ADGRA3: variants seen among roughly 807,000 people sequenced by gnomAD.
The protein encoded by ADGRA3 is G-protein coupled receptor 125.
Under a neutral mutation model 119.8 loss-of-function variants are expected in ADGRA3, and 56 were observed. That is an observed-to-expected ratio of 0.47 (90% CI 0.38 to 0.58). The LOEUF is 0.58. Ranked by LOEUF, ADGRA3 falls within the 20% of genes least tolerant of loss-of-function variation. ADGRA3 has a pLI of 0.00. For missense variants in ADGRA3, 1,516 were observed against 1,649.0 expected (o/e 0.92, Z 1.40); for synonymous variants, 607 against 623.8 (o/e 0.97, Z 0.40).
chr4:22,426,677 A>G (rs1382486500), intron 10 of ADGRA3, among the ~76,000 whole-genome samples: 4 of 152,236 alleles, frequency 2.6e-5, no homozygotes, highest in African/African-American at 4.8e-5. Flanking sequence ...AATATAGGAT[A>G]CAGAATAATG....
intron 1 of ADGRA3, chr4:22,515,198 T>A (rs1719601415): frequency 5.2e-6 from 1 of 192,900 alleles, no homozygotes; most frequent in Non-Finnish European, 1.1e-5. Context: ...TGAATGAGCT[T>A]TAACTCTGTT....
intron 10 of ADGRA3, among the ~76,000 whole-genome samples, chr4:22,432,949 A>C (rs1716246757): frequency 1.3e-5 from 2 of 152,232 alleles, no homozygotes; most frequent in African/African-American, 4.8e-5. Context: ...AGCTAGGTGC[A>C]TTTTAGGATA....
At chr4:22,419,143 T>G (rs1715546893) in intron 12 of ADGRA3, among the ~76,000 whole-genome samples, 2 of 151,948 alleles carry the variant, frequency 1.3e-5, no homozygotes, top group African/African-American at 4.8e-5. Context: ...AAATAATGAC[T>G]GCCTCTTTAT....
At chr4:22,495,080 C>T (rs1718763786) in intron 1 of ADGRA3, among the ~76,000 whole-genome samples, 1 of 151,906 alleles carries the variant, frequency 6.6e-6, no homozygotes, top group Admixed American at 6.6e-5. Flanking sequence ...TGTGGTTTCT[C>T]TCTCTCTCAA....
intron 12 of ADGRA3, chr4:22,414,411 A>G (rs1367158494): frequency 8.5e-6 from 4 of 468,816 alleles, no homozygotes; most frequent in African/African-American, 4.0e-5. Flanking sequence ...CTGACTGATC[A>G]CTGAATTTTT....
At chr4:22,399,761 T>C (rs1375598876) in intron 16 of ADGRA3, among the ~76,000 whole-genome samples, 1 of 152,176 alleles carries the variant, frequency 6.6e-6, no homozygotes, top group Non-Finnish European at 1.5e-5. Flanking sequence ...GAAGACAGTC[T>C]TCTGGCTCTG....
At chr4:22,476,290 A>G (rs1358592170) in intron 1 of ADGRA3, among the ~76,000 whole-genome samples, 1 of 152,150 alleles carries the variant, frequency 6.6e-6, no homozygotes, top group Admixed American at 6.5e-5. Flanking sequence ...TATCCCAAAC[A>G]GTATCCATCC....
intron 1 of ADGRA3, among the ~76,000 whole-genome samples, chr4:22,498,743 G>A (rs1203087624): frequency 1.3e-5 from 2 of 151,818 alleles, no homozygotes; most frequent in African/African-American, 4.8e-5. Flanking sequence ...GTGAAACCCC[G>A]TCTCTACTAA....
At chr4:22,423,025 G>A (rs1389280478) in intron 11 of ADGRA3, among the ~76,000 whole-genome samples, 7 of 151,782 alleles carry the variant, frequency 4.6e-5, no homozygotes, top group Non-Finnish European at 1.0e-4. Context: ...ATGTAACCCC[G>A]TCTCTACTAA....
intron 1 of ADGRA3, chr4:22,478,111 C>T (rs539344360): frequency 4.6e-5 from 7 of 152,260 alleles, no homozygotes; most frequent in African/African-American, 1.7e-4. Flanking sequence ...GATCTATGGA[C>T]GATGCTTAGG....
Position 22,421,023 on chromosome 4 carries a change from T to G in ADGRA3, c.1672A>C (p.Thr558Pro), listed in dbSNP as rs777841628. Residue 558 changes from threonine to proline, a missense_variant, in exon 12 of 19, where the codon ACC (threonine) becomes CCC (proline). Coordinates refer to ENST00000334304, the MANE Select transcript of ADGRA3 (RefSeq NM_145290.4). The part of the protein sequence containing the change: ...KSTGFTGMTC[T>P]VFQKVAASDR... Reference sequence around the variant, plus strand: ...GAGGCTGCCACTTTCTGGAACACGGTACAGGTCATCCCCGTGAAGCCAGTA... The same window carrying G: ...GAGGCTGCCACTTTCTGGAACACGGGACAGGTCATCCCCGTGAAGCCAGTA... The G allele has an allele frequency of 1.1e-5, 17 of 1,613,940 alleles. No homozygotes were observed.
chr4:22,404,859 G>A (rs903254537), intron 14 of ADGRA3, among the ~76,000 whole-genome samples: 8 of 152,204 alleles, frequency 5.3e-5, no homozygotes, highest in African/African-American at 1.4e-4. Flanking sequence ...CTAGTGAGAA[G>A]AGACATATTT....
intron 7 of ADGRA3, 39 bp from the exon 8 acceptor site, chr4:22,438,459 T>C (rs1224358076): frequency 6.5e-7 from 1 of 1,547,134 alleles, no homozygotes; most frequent in Non-Finnish European, 8.8e-7. Context: ...GAAAATATAA[T>C]TAGGCAAAAA....
In ADGRA3 at chr4:22,515,709, C is replaced by G. The variant is rs1318494279; in HGVS notation, c.76G>C (p.Ala26Pro). Residue 26 changes from alanine to proline, a missense_variant, in exon 1 of 19, where the codon GCG (alanine) becomes CCG (proline). Physicochemically the swap from Ala to Pro is conservative, Grantham distance 27. Transcript: ENST00000334304. The part of the protein sequence containing the change: ...LLPLSLLALL[A>P]LLGGGGGGGA... ...CCGCCGCCGCCGCCTCCCAGCAGCGCGAGCAGCGCTAACAGCGAGAGCGGC... is the reference window on the plus strand; with the variant it reads ...CCGCCGCCGCCGCCTCCCAGCAGCGGGAGCAGCGCTAACAGCGAGAGCGGC... 2 of 1,069,614 alleles carry G rather than the reference C, an allele frequency of 1.9e-6. No individual in the cohort carries two copies. The highest frequency in any genetic ancestry group is 1.5e-4 in the East Asian group (2 of 13,008). The allele number at this position is 1,069,614 out of a possible 1,614,324, so 66.3% of individuals were successfully genotyped here.
intron 2 of ADGRA3, among the ~76,000 whole-genome samples, chr4:22,464,417 C>A (rs1285681763): frequency 6.6e-6 from 1 of 152,202 alleles, no homozygotes; most frequent in Non-Finnish European, 1.5e-5. Context: ...GGTAAACTCA[C>A]AAATCCCATC....
At chr4:22,428,793 T>C (rs1716044723) in intron 10 of ADGRA3, among the ~76,000 whole-genome samples, 1 of 152,216 alleles carries the variant, frequency 6.6e-6, no homozygotes, top group African/African-American at 2.4e-5. Context: ...TGCCACAGGA[T>C]ACCTCTGCAG....
chr4:22,446,393 T>C (rs926877153), intron 5 of ADGRA3, among the ~76,000 whole-genome samples: 3 of 152,162 alleles, frequency 2.0e-5, no homozygotes, highest in African/African-American at 7.2e-5. Flanking sequence ...TTGTCTTTTT[T>C]ATTTCCTAAT....
At chr4:22,510,461 C>T (rs539588761) in intron 1 of ADGRA3, among the ~76,000 whole-genome samples, 2 of 152,160 alleles carry the variant, frequency 1.3e-5, no homozygotes, top group African/African-American at 4.8e-5. Flanking sequence ...TCTGCAGAGG[C>T]TCCTTCTCAG....
At chr4:22,448,190 C>T (rs1716898580) in intron 4 of ADGRA3, among the ~76,000 whole-genome samples, 1 of 152,158 alleles carries the variant, frequency 6.6e-6, no homozygotes, top group Non-Finnish European at 1.5e-5. Flanking sequence ...TTATTTCTTT[C>T]ATACCGGACG....
Sources: gnomAD v4.1 joint callset for allele counts (sites outside exome capture counted in the v4.1 genomes callset) on GRCh38, gnomAD v4.1.1 for gene constraint, MANE v1.5 for transcripts, NCBI Gene and HGNC (gene_info 2026-07-23, HGNC 2026-07-21) for gene names.